MAGI1: variants seen among roughly 807,000 people sequenced by gnomAD.
MAGI1 encodes the protein membrane-associated guanylate kinase, WW and PDZ domain-containing protein 1.
Under a neutral mutation model 139.9 loss-of-function variants are expected in MAGI1, and 58 were observed. The ratio of observed to expected loss-of-function variants is 0.41; its 90% confidence interval spans 0.34 to 0.52. The LOEUF is 0.52. MAGI1 is among the 20% of genes least tolerant of loss of function. The pLI, the probability that MAGI1 is intolerant of heterozygous loss-of-function variation, is 0.12. For missense variants in MAGI1, 1,874 were observed against 1,901.6 expected, an observed-to-expected ratio of 0.99 and a Z score of 0.27; for synonymous variants, 812 against 737.9, an observed-to-expected ratio of 1.10 and a Z score of -1.63.
intron 1 of MAGI1, among the ~76,000 whole-genome samples, chr3:65,915,112 A>G (rs1406331679): frequency 6.6e-6 from 1 of 152,220 alleles, no homozygotes; most frequent in Non-Finnish European, 1.5e-5. Context: ...GATGTTGATC[A>G]GTCCCTTGCA....
intron 22 of MAGI1, chr3:65,359,295 A>C: frequency 6.8e-7 from 1 of 1,467,296 alleles, no homozygotes; most frequent in Non-Finnish European, 9.0e-7. Context: ...AAGAGAGTTT[A>C]TTTGTCCAGT....
At chr3:65,936,912 T>G (rs3821906) in intron 1 of MAGI1, among the ~76,000 whole-genome samples, 69,938 of 147,562 alleles carry the variant, frequency 0.47, 17,202 homozygotes, top group East Asian at 0.79. Flanking sequence ...GTTGTTGTTG[T>G]TGTTGTTGGT....
chr3:65,500,233 T>A (rs939472945), intron 2 of MAGI1, among the ~76,000 whole-genome samples: 5 of 152,184 alleles, frequency 3.3e-5, no homozygotes, highest in Non-Finnish European at 5.9e-5. Context: ...AAACTGCTCA[T>A]CACTTAAACA....
intron 13 of MAGI1, among the ~76,000 whole-genome samples, chr3:65,401,198 C>G (rs1410987344): frequency 1.3e-5 from 2 of 152,170 alleles, no homozygotes; most frequent in African/African-American, 2.4e-5. Context: ...TTCAAACATG[C>G]ATTCTTTATC....
chr3:65,974,936 T>C (rs2065192294), intron 1 of MAGI1, among the ~76,000 whole-genome samples: 1 of 152,176 alleles, frequency 6.6e-6, no homozygotes, highest in Non-Finnish European at 1.5e-5. Flanking sequence ...GAGGACATCA[T>C]AGAGGCTGTG....
Position 65,703,201 on chromosome 3 carries a change from C to A in MAGI1, c.314-81113G>T, listed in dbSNP as rs1479505722. On this transcript the variant is annotated intron_variant, in intron 1 of 22. Coordinates refer to ENST00000402939, the MANE Select transcript of MAGI1 (RefSeq NM_001033057.2). ...TATACGTGCTTCCTGACTACTGAAC[C>A]AGAAGATGAGCAAATCTGACAACTG... Among the ~76,000 whole-genome samples the A allele has an allele frequency of 2.6e-5, 4 of 152,276 alleles. No homozygotes were observed. In the East Asian group the frequency reaches 5.8e-4, roughly 22 times the overall value.
At chr3:65,381,675 T>A (rs969598690) in intron 16 of MAGI1, among the ~76,000 whole-genome samples, 1 of 152,148 alleles carries the variant, frequency 6.6e-6, no homozygotes, top group African/African-American at 2.4e-5. Flanking sequence ...GTTGAACACA[T>A]GCAAACGGCA....
intron 1 of MAGI1, among the ~76,000 whole-genome samples, chr3:65,692,979 T>C (rs1387497941): frequency 1.3e-5 from 2 of 152,180 alleles, no homozygotes; most frequent in Non-Finnish European, 2.9e-5. Context: ...TTGCCCAGAC[T>C]GGATTACAAT....
intron 1 of MAGI1, among the ~76,000 whole-genome samples, chr3:65,895,088 C>T (rs901242858): frequency 5.3e-5 from 8 of 152,164 alleles, no homozygotes; most frequent in Admixed American, 2.6e-4. Flanking sequence ...CTGTGATGTT[C>T]ATGGAGGACT....
intron 2 of MAGI1, among the ~76,000 whole-genome samples, chr3:65,547,309 T>G (rs1178567053): frequency 6.6e-6 from 1 of 152,238 alleles, no homozygotes; most frequent in East Asian, 1.9e-4. Context: ...AGACAGCCTC[T>G]GCTTTAAAAT....
chr3:65,357,038 C>T lies in MAGI1; in HGVS notation c.3729G>A (p.Glu1243=), dbSNP rs755557334. Reference sequence around the variant, plus strand: ...TGTGAAGATCGGGTGGGTAACTGGACTCCAATGACGGATGCTGCCGGCGGT... The same window carrying T: ...TGTGAAGATCGGGTGGGTAACTGGATTCCAATGACGGATGCTGCCGGCGGT... ...GPDRRQHPSL[E]SSYPPDLHKS... is the part of the protein sequence containing the mutation. The change falls in exon 23 of 23, where the codon GAG becomes GAA. Residue 1243 remains glutamate (E), a synonymous_variant. Coordinates refer to ENST00000402939, the MANE Select transcript of MAGI1 (RefSeq NM_001033057.2). 1.9e-6 allele frequency: 3 copies of T among 1,614,038 alleles called. No homozygotes were observed. The South Asian group carries it at 3.3e-5, about 18-fold the overall frequency.
chr3:65,978,460 C>T (rs1168893934), intron 1 of MAGI1, among the ~76,000 whole-genome samples: 1 of 152,042 alleles, frequency 6.6e-6, no homozygotes, highest in African/African-American at 2.4e-5. Flanking sequence ...GGGGAGGGAG[C>T]TGACTGTCTC....
At chr3:65,785,936 C>CTT (rs534503386) in intron 1 of MAGI1, among the ~76,000 whole-genome samples, 2 of 144,004 alleles carry the variant, frequency 1.4e-5, no homozygotes. Flanking sequence ...GTCATCTTAA[C>CTT]TTTTTTTTTT....
chr3:65,727,048 T>C (rs1389316085), intron 1 of MAGI1, among the ~76,000 whole-genome samples: 1 of 151,764 alleles, frequency 6.6e-6, no homozygotes, highest in Non-Finnish European at 1.5e-5. Context: ...CCACACAATG[T>C]TAACAGGAAT....
intron 5 of MAGI1, among the ~76,000 whole-genome samples, chr3:65,468,165 C>T (rs1351503049): frequency 6.6e-6 from 1 of 152,088 alleles, no homozygotes; most frequent in East Asian, 1.9e-4. Flanking sequence ...AACAACATGA[C>T]CCTTTAGTTG....
chr3:65,508,958 G>C (rs995056892), intron 2 of MAGI1, among the ~76,000 whole-genome samples: 2 of 152,236 alleles, frequency 1.3e-5, no homozygotes, highest in Non-Finnish European at 2.9e-5. Context: ...AGCAGGGTAA[G>C]ACTGCCATTA....
chr3:65,480,312 C>T (rs1951191415), intron 3 of MAGI1, among the ~76,000 whole-genome samples: 1 of 151,970 alleles, frequency 6.6e-6, no homozygotes, highest in Non-Finnish European at 1.5e-5. Context: ...GCGGGCTAAC[C>T]ACATGAGCTC....
At position 65,379,572 on chromosome 3, in the gene MAGI1, A is replaced by T. The variant is rs1386769924; in HGVS notation, c.2702-18T>A. 1.3e-6 allele frequency: 2 copies of T among 1,594,476 alleles called. No individual in the cohort carries two copies. The highest frequency in any genetic ancestry group is 1.1e-5 in the South Asian group (1 of 89,934). On this transcript the variant is annotated intron_variant, in intron 16 of 22. Coordinates refer to ENST00000402939, the MANE Select transcript of MAGI1 (RefSeq NM_001033057.2). ...TTTGGGCACTGTAGCAGAGAGATGC[A>T]CGCGTACATCACCGTGTCCTGCAGC... is the stretch of plus-strand genomic sequence containing the variant.
At chr3:65,722,225 C>T (rs2033117708) in intron 1 of MAGI1, among the ~76,000 whole-genome samples, 1 of 152,170 alleles carries the variant, frequency 6.6e-6, no homozygotes, top group Admixed American at 6.5e-5. Context: ...TACAAGTACT[C>T]ACCACAGTTG....
Sources: allele counts gnomAD v4.1 joint callset (sites outside exome capture counted in the v4.1 genomes callset), GRCh38; gene constraint gnomAD v4.1.1; transcripts MANE v1.5; gene names NCBI Gene and HGNC (gene_info 2026-07-23, HGNC 2026-07-21).